The following LITAF variants were observed in gnomAD, a reference collection of about 807,000 sequenced individuals.
The protein encoded by LITAF is lipopolysaccharide-induced tumor necrosis factor-alpha factor.
Under a neutral mutation model 14.5 loss-of-function variants are expected in LITAF, and 9 were observed. That is an observed-to-expected ratio of 0.62 (90% CI 0.37 to 1.08). The LOEUF (loss-of-function observed/expected upper bound fraction) is 1.08. Among genes scored for constraint, LITAF ranks in the 50% least tolerant of loss-of-function variants. LITAF has a pLI of 0.01. For synonymous variants in LITAF, 98 were observed against 88.2 expected (o/e 1.11, Z -0.62); for missense variants, 206 against 213.4 (o/e 0.97, Z 0.22).
At chr16:11,585,230 C>CAAAAA (rs35542925) in intron 1 of LITAF, among the ~76,000 whole-genome samples, 1 of 90,694 alleles carries the variant, frequency 1.1e-5, no homozygotes, top group Admixed American at 1.2e-4. Context: ...GACTCTGTCT[C>CAAAAA]AAAAAAAAAA....
At chr16:11,554,142 G>A (rs2064229237) in intron 2 of LITAF, among the ~76,000 whole-genome samples, 1 of 152,180 alleles carries the variant, frequency 6.6e-6, no homozygotes, top group Non-Finnish European at 1.5e-5. Context: ...TGAGGTGGGA[G>A]GATCAGTTGA....
At chr16:11,578,091 G>T (rs1014960904) in intron 1 of LITAF, among the ~76,000 whole-genome samples, 5 of 152,014 alleles carry the variant, frequency 3.3e-5, no homozygotes, top group African/African-American at 9.7e-5. Flanking sequence ...AGAGATGGGG[G>T]TCTCAATATG....
intron 3 of LITAF, among the ~76,000 whole-genome samples, chr16:11,611,958 C>A (rs145167503): frequency 1.3e-3 from 203 of 152,332 alleles, no homozygotes; most frequent in African/African-American, 4.7e-3. Context: ...AGCCGCTGCG[C>A]CTGGCCCTCC....
At chr16:11,571,767 C>G (rs778926498) in intron 1 of LITAF, among the ~76,000 whole-genome samples, 1 of 152,198 alleles carries the variant, frequency 6.6e-6, no homozygotes, top group Non-Finnish European at 1.5e-5. Context: ...TTGCCAATCA[C>G]GCCCTCTCGG....
chr16:11,548,639 A>T lies in LITAF; in HGVS notation c.*998T>A. 1 of 453,134 alleles carries T rather than the reference A, an allele frequency of 2.2e-6. No homozygotes were observed. The highest frequency in any genetic ancestry group is 1.6e-5 in the South Asian group (1 of 64,142). The allele number at this position is 453,134 out of a possible 1,614,324, so 28.1% of individuals were successfully genotyped here. A position where few individuals can be genotyped will look rare whatever the true frequency, so the allele number is the denominator to read the frequency against. On this transcript the variant is annotated 3_prime_UTR_variant, in exon 4 of 4. Coordinates refer to ENST00000622633, the MANE Select transcript of LITAF (RefSeq NM_001136472.2). ...CATTGGCAAATGGGAAAATGACACC[A>T]ATCATTTGATTACAGAAAATGGTTT...
chr16:11,637,974 CTA>C (rs1191061266), upstream of LITAF, among the ~76,000 whole-genome samples: 80 of 31,618 alleles, frequency 2.5e-3, 18 homozygotes, highest in African/African-American at 0.018. Context: ...ATCTATATAT[CTA>C]TATATATCTA....
chr16:11,620,511 C>G (rs1475461294), intron 3 of LITAF, among the ~76,000 whole-genome samples: 1 of 152,130 alleles, frequency 6.6e-6, no homozygotes, highest in African/African-American at 2.4e-5. Flanking sequence ...GAACCATGAG[C>G]CCAGTAAACC....
chr16:11,550,055 G>C (rs2064161155), intron 3 of LITAF, among the ~76,000 whole-genome samples: 1 of 152,160 alleles, frequency 6.6e-6, no homozygotes, highest in Non-Finnish European at 1.5e-5. Flanking sequence ...GGCAAAAAAT[G>C]ATTCTCCCTG....
chr16:11,584,930 G>A (rs572042734), intron 1 of LITAF, among the ~76,000 whole-genome samples: 4 of 152,270 alleles, frequency 2.6e-5, no homozygotes, highest in East Asian at 1.9e-4. Flanking sequence ...GAAATGGGCC[G>A]GGTGAGGTAG....
At chr16:11,571,540 A>G (rs1264970369) in intron 1 of LITAF, among the ~76,000 whole-genome samples, 1 of 152,128 alleles carries the variant, frequency 6.6e-6, no homozygotes, top group South Asian at 2.1e-4. Flanking sequence ...CAGATTCTCA[A>G]TGGGCACTCT....
chr16:11,581,641 G>A (rs889219334), intron 1 of LITAF, among the ~76,000 whole-genome samples: 1 of 152,116 alleles, frequency 6.6e-6, no homozygotes, highest in African/African-American at 2.4e-5. Flanking sequence ...AGTAAATAAA[G>A]TATATTTTGG....
chr16:11,608,996 G>A (rs534190989), intron 3 of LITAF, among the ~76,000 whole-genome samples: 20 of 148,474 alleles, frequency 1.3e-4, no homozygotes, highest in Non-Finnish European at 2.7e-4. Flanking sequence ...AAAACGCACC[G>A]AGTATACAGT....
intron 1 of LITAF, among the ~76,000 whole-genome samples, chr16:11,581,017 G>T (rs1405811530): frequency 2.0e-5 from 3 of 152,074 alleles, no homozygotes; most frequent in Non-Finnish European, 4.4e-5. Context: ...CTCCTGCCTT[G>T]TCCTCCCAGA....
At chr16:11,613,347 G>C (rs897362426) in intron 3 of LITAF, among the ~76,000 whole-genome samples, 4 of 152,188 alleles carry the variant, frequency 2.6e-5, no homozygotes, top group Non-Finnish European at 5.9e-5. Flanking sequence ...CGCATTGACA[G>C]AGAGACCAGA....
intron 1 of LITAF, among the ~76,000 whole-genome samples, chr16:11,592,496 G>A (rs2064853487): frequency 6.6e-6 from 1 of 151,608 alleles, no homozygotes; most frequent in African/African-American, 2.4e-5. Context: ...GATCACCTGA[G>A]CCTGGGAGGT....
At chr16:11,575,719 G>A (rs559372820) in intron 1 of LITAF, 22 of 152,138 alleles carry the variant, frequency 1.4e-4, no homozygotes, top group African/African-American at 3.9e-4. Context: ...CACGGCCCAC[G>A]GCCAAGGGTG....
intron 1 of LITAF, among the ~76,000 whole-genome samples, chr16:11,566,672 G>C (rs1467998513): frequency 1.3e-5 from 2 of 152,138 alleles, no homozygotes; most frequent in African/African-American, 2.4e-5. Flanking sequence ...GCTGAGATAG[G>C]AGGATCCCTC....
intron 1 of LITAF, among the ~76,000 whole-genome samples, chr16:11,578,116 C>CT (rs1162328826): frequency 6.6e-6 from 1 of 152,084 alleles, no homozygotes; most frequent in Non-Finnish European, 1.5e-5. Flanking sequence ...TCAGGCCGGT[C>CT]TTAAACTCGT....
chr16:11,596,157 A>G (rs2141857115), intron 1 of LITAF, among the ~76,000 whole-genome samples: 1 of 152,228 alleles, frequency 6.6e-6, no homozygotes, highest in Non-Finnish European at 1.5e-5. Context: ...GTGTGGGACC[A>G]TCCCAGAACT....
Sources: allele counts gnomAD v4.1 joint callset (sites outside exome capture counted in the v4.1 genomes callset), GRCh38; gene constraint gnomAD v4.1.1; transcripts MANE v1.5; gene names NCBI Gene and HGNC (gene_info 2026-07-23, HGNC 2026-07-21).